Variants in DENND4A observed in about 807,000 individuals in gnomAD.
DENND4A encodes DENN domain containing 4A, also known as C-myc promoter-binding protein.
A neutral mutation model predicts 199.3 loss-of-function variants in DENND4A; 70 were observed. The observed-to-expected ratio is 0.35, with a 90% CI of 0.29 to 0.43. DENND4A has a LOEUF of 0.43. Ranked by LOEUF, DENND4A falls within the 20% of genes least tolerant of loss-of-function variation. The pLI, the probability that DENND4A is intolerant of heterozygous loss-of-function variation, is 1.00. For missense variants in DENND4A, 1,723 were observed against 2,255.8 expected (o/e 0.76, Z 4.78); for synonymous variants, 686 against 766.9 (o/e 0.89, Z 1.74).
At chr15:65,756,500 C>A (rs748208223) in intron 2 of DENND4A, 28 bp from the exon 3 acceptor site, 8 of 1,493,862 alleles carry the variant, frequency 5.4e-6, no homozygotes, top group Non-Finnish European at 7.2e-6. Context: ...GACTAGTACT[C>A]CCCTATAATA....
At chr15:65,724,193 G>C (rs2075732599) in intron 11 of DENND4A, among the ~76,000 whole-genome samples, 1 of 152,036 alleles carries the variant, frequency 6.6e-6, no homozygotes, top group Admixed American at 6.6e-5. Context: ...CTCCCAAGCA[G>C]CTGAGACTAC....
intron 23 of DENND4A, among the ~76,000 whole-genome samples, chr15:65,679,551 G>A (rs757283747): frequency 2.0e-4 from 30 of 150,830 alleles, no homozygotes; most frequent in Admixed American, 8.6e-4. Context: ...ATTTTTTTGA[G>A]GTAGGGTTTT....
chr15:65,722,765 A>T, intron 12 of DENND4A, 83 bp downstream of exon 12: 1 of 1,095,918 alleles, frequency 9.1e-7, no homozygotes, highest in Non-Finnish European at 1.2e-6. Flanking sequence ...CTAGATAAAC[A>T]TTATTCTTTT....
In DENND4A at chr15:65,700,572, T is replaced by C. The variant is rs929026167; in HGVS notation, c.2805A>G (p.Val935=). Residue 935 remains valine, a synonymous_variant, in exon 20 of 33, where the codon GTA becomes GTG. Coordinates refer to ENST00000443035, the MANE Select transcript of DENND4A (RefSeq NM_001320835.1). ...TACTAGATCTATCATCAGTAGCATA[T>C]ACTTTGATTAAACCCGTATTAAAAG... ...QAPFNTGLIK[V]YATDDRSSTG... 2 of 1,540,666 alleles carry C rather than the reference T, an allele frequency of 1.3e-6. No individual in the cohort carries two copies. The highest frequency in any genetic ancestry group is 2.8e-5 in the African/African-American group (2 of 72,528).
At chr15:65,759,409 C>T (rs374060383) in intron 2 of DENND4A, among the ~76,000 whole-genome samples, 2 of 151,816 alleles carry the variant, frequency 1.3e-5, no homozygotes, top group East Asian at 1.9e-4. Context: ...ACCCAGGAGG[C>T]GGAGGTTGCA....
At chr15:65,673,053 G>A (rs1187958670) in intron 24 of DENND4A, among the ~76,000 whole-genome samples, 1 of 151,698 alleles carries the variant, frequency 6.6e-6, no homozygotes, top group African/African-American at 2.4e-5. Context: ...GTACAGATGG[G>A]GTTTCACCAT....
intron 19 of DENND4A, 96 bp from the exon 20 acceptor site, chr15:65,700,771 C>T: frequency 2.3e-6 from 3 of 1,278,942 alleles, no homozygotes; most frequent in Non-Finnish European, 3.1e-6. Context: ...TAATACTGAA[C>T]ATGAAAAGTG....
intron 3 of DENND4A, chr15:65,753,940 G>C (rs1371431966): frequency 6.7e-6 from 1 of 148,516 alleles, no homozygotes; most frequent in Non-Finnish European, 1.5e-5. Flanking sequence ...ATTCAAGCAA[G>C]TATCCTGCCT....
chr15:65,739,500 A>G (rs1302454823), intron 5 of DENND4A, among the ~76,000 whole-genome samples: 1 of 152,206 alleles, frequency 6.6e-6, no homozygotes, highest in East Asian at 1.9e-4. Flanking sequence ...GGCATCTTCC[A>G]CTGAATACAC....
At chr15:65,783,950 C>T (rs939462177) in intron 1 of DENND4A, among the ~76,000 whole-genome samples, 1 of 152,044 alleles carries the variant, frequency 6.6e-6, no homozygotes, top group African/African-American at 2.4e-5. Flanking sequence ...TCCAAAAAGA[C>T]GAGTACGGGA....
chr15:65,709,634 C>T (rs559004742), intron 14 of DENND4A, among the ~76,000 whole-genome samples: 145 of 130,498 alleles, frequency 1.1e-3, no homozygotes, highest in Admixed American at 2.3e-3. Context: ...ACGGAGGTTG[C>T]GGTGAGCCAA....
At chr15:65,736,430 A>AT (rs71139429) in intron 7 of DENND4A, among the ~76,000 whole-genome samples, 38,364 of 137,930 alleles carry the variant, frequency 0.28, 5,962 homozygotes, top group East Asian at 0.73. Context: ...TGGCTTTTGT[A>AT]TTTTTTTTTT....
intron 4 of DENND4A, among the ~76,000 whole-genome samples, chr15:65,745,870 A>C (rs1436541090): frequency 6.6e-6 from 1 of 152,138 alleles, no homozygotes; most frequent in Non-Finnish European, 1.5e-5. Flanking sequence ...ATGGTGGCTC[A>C]TGCCTGTAAT....
intron 3 of DENND4A, among the ~76,000 whole-genome samples, chr15:65,754,286 T>C (rs2076644835): frequency 6.6e-6 from 1 of 152,220 alleles, no homozygotes; most frequent in Non-Finnish European, 1.5e-5. Flanking sequence ...AAGTGCTTAT[T>C]CTTCCTTCTT....
At chr15:65,771,977 G>C in intron 1 of DENND4A, 6 of 1,515,638 alleles carry the variant, frequency 4.0e-6, no homozygotes, top group Non-Finnish European at 5.5e-6. Flanking sequence ...GTAACTCCAA[G>C]TACTTCATAG....
intron 20 of DENND4A, among the ~76,000 whole-genome samples, chr15:65,698,293 T>C (rs1180083323): frequency 1.3e-5 from 2 of 151,398 alleles, no homozygotes; most frequent in African/African-American, 2.4e-5. Flanking sequence ...GGTCTATCAA[T>C]ATAAAAAAAT....
At chr15:65,759,634 A>T (rs1346598214) in intron 2 of DENND4A, among the ~76,000 whole-genome samples, 1 of 152,234 alleles carries the variant, frequency 6.6e-6, no homozygotes, top group Middle Eastern at 3.2e-3. Context: ...CTAGATGGAC[A>T]CTTAAAAAGA....
intron 1 of DENND4A, among the ~76,000 whole-genome samples, chr15:65,785,325 GAA>G (rs756956171): frequency 5.4e-5 from 7 of 129,480 alleles, no homozygotes; most frequent in Admixed American, 1.6e-4. Context: ...GTCTCTACAA[GAA>G]AAAAAAAAAA....
At chr15:65,751,421 T>C (rs2076558982) in intron 4 of DENND4A, among the ~76,000 whole-genome samples, 1 of 152,182 alleles carries the variant, frequency 6.6e-6, no homozygotes, top group South Asian at 2.1e-4. Flanking sequence ...AGATGCTTCA[T>C]TAGATGAGAT....
Sources: gnomAD v4.1 joint callset for allele counts (sites outside exome capture counted in the v4.1 genomes callset) on GRCh38, gnomAD v4.1.1 for gene constraint, MANE v1.5 for transcripts, NCBI Gene and HGNC (gene_info 2026-07-23, HGNC 2026-07-21) for gene names.